The following HTR1F variants were observed in gnomAD, a reference collection of about 807,000 sequenced individuals.
HTR1F encodes 5-hydroxytryptamine receptor 1F.
HTR1F carries 17 observed loss-of-function variants against 24.0 expected under a neutral mutation model. The observed-to-expected ratio is 0.71, with a 90% confidence interval of 0.48 to 1.06. HTR1F has a LOEUF of 1.06. HTR1F is among the 50% of genes least tolerant of loss of function. The pLI, the probability that HTR1F is intolerant of heterozygous loss-of-function variation, is 0.00. For missense variants in HTR1F, 391 were observed against 427.8 expected, an observed-to-expected ratio of 0.91 and a Z score of 0.76; for synonymous variants, 186 against 156.8, an observed-to-expected ratio of 1.19 and a Z score of -1.39.
chr3:87,813,595 G>C (rs1483613484), intron 1 of HTR1F, among the ~76,000 whole-genome samples: 1 of 152,140 alleles, frequency 6.6e-6, no homozygotes, highest in Non-Finnish European at 1.5e-5. Flanking sequence ...TGAGATTTGG[G>C]AAGGGCCAGG....
chr3:87,980,537 G>C (rs138751743), intron 2 of HTR1F, among the ~76,000 whole-genome samples: 113 of 152,296 alleles, frequency 7.4e-4, no homozygotes, highest in Non-Finnish European at 1.3e-3. Context: ...GCCTGGCTAT[G>C]GAACAGGCAG....
intron 2 of HTR1F, among the ~76,000 whole-genome samples, chr3:87,822,474 A>G (rs1222130753): frequency 1.3e-5 from 2 of 152,212 alleles, no homozygotes; most frequent in African/African-American, 4.8e-5. Context: ...ACTAAATCAG[A>G]TAAAAACCTG....
chr3:87,898,470 C>T (rs1706250200), intron 2 of HTR1F, among the ~76,000 whole-genome samples: 1 of 151,892 alleles, frequency 6.6e-6, no homozygotes, highest in South Asian at 2.1e-4. Context: ...TGTCATAAAA[C>T]CAAATCATCA....
intron 2 of HTR1F, among the ~76,000 whole-genome samples, chr3:87,921,685 AT>A (rs1274531912): frequency 1.3e-5 from 2 of 151,782 alleles, no homozygotes; most frequent in Admixed American, 6.6e-5. Flanking sequence ...ATCTAGCTGT[AT>A]TTTTTTATTT....
intron 1 of HTR1F, among the ~76,000 whole-genome samples, chr3:87,807,014 C>A (rs1042319988): frequency 6.6e-6 from 1 of 151,994 alleles, no homozygotes; most frequent in South Asian, 2.1e-4. Context: ...CAGTACCATG[C>A]GATCTTAGTT....
intron 2 of HTR1F, among the ~76,000 whole-genome samples, chr3:87,903,596 A>T (rs1421283523): frequency 4.6e-5 from 7 of 151,216 alleles, no homozygotes; most frequent in Non-Finnish European, 1.0e-4. Context: ...CACCAGTTAG[A>T]ATGGCAATCA....
chr3:87,902,464 C>G (rs1158144547), intron 2 of HTR1F, among the ~76,000 whole-genome samples: 3 of 151,942 alleles, frequency 2.0e-5, no homozygotes, highest in African/African-American at 4.8e-5. Context: ...AATAAAGCAT[C>G]TAGAAGGTAA....
At chr3:87,918,758 A>G (rs1703949342) in intron 2 of HTR1F, among the ~76,000 whole-genome samples, 1 of 152,110 alleles carries the variant, frequency 6.6e-6, no homozygotes, top group Non-Finnish European at 1.5e-5. Context: ...TCCCTTGCTC[A>G]TGGATGAGTA....
At chr3:87,988,333 A>T (rs1576126723) in intron 2 of HTR1F, among the ~76,000 whole-genome samples, 2 of 152,040 alleles carry the variant, frequency 1.3e-5, no homozygotes, top group South Asian at 4.1e-4. Flanking sequence ...CAGAAAGGCA[A>T]CTACTTCTCA....
chr3:87,875,251 G>C (rs1018212958), intron 2 of HTR1F, among the ~76,000 whole-genome samples: 3 of 152,022 alleles, frequency 2.0e-5, no homozygotes, highest in African/African-American at 7.2e-5. Context: ...AGGAGTTTGA[G>C]ACCAGCCTGG....
At chr3:87,804,163 T>A (rs916751273) in intron 1 of HTR1F, among the ~76,000 whole-genome samples, 1 of 152,206 alleles carries the variant, frequency 6.6e-6, no homozygotes, top group African/African-American at 2.4e-5. Context: ...CTAAAAAGTA[T>A]TTTGTTTCAT....
At chr3:87,950,032 A>G (rs572670910) in intron 2 of HTR1F, among the ~76,000 whole-genome samples, 21 of 152,318 alleles carry the variant, frequency 1.4e-4, no homozygotes, top group Admixed American at 7.2e-4. Flanking sequence ...TCAAAGGGGA[A>G]GCAGGCATCT....
chr3:87,930,635 T>C (rs770274908), intron 2 of HTR1F, among the ~76,000 whole-genome samples: 1 of 152,120 alleles, frequency 6.6e-6, no homozygotes, highest in Admixed American at 6.6e-5. Context: ...TGGGGTGAAG[T>C]CTACTTGATT....
intron 2 of HTR1F, among the ~76,000 whole-genome samples, chr3:87,842,609 C>T (rs1704834021): frequency 6.6e-6 from 1 of 151,782 alleles, no homozygotes; most frequent in South Asian, 2.1e-4. Context: ...ATGACAAGTA[C>T]TAAATTGTTA....
intron 1 of HTR1F, among the ~76,000 whole-genome samples, chr3:87,799,459 T>A (rs1425767833): frequency 6.6e-6 from 1 of 152,190 alleles, no homozygotes; most frequent in Non-Finnish European, 1.5e-5. Flanking sequence ...ACAAATAAGA[T>A]GAAATGATAA....
intron 2 of HTR1F, among the ~76,000 whole-genome samples, chr3:87,827,792 T>C (rs187960880): frequency 5.9e-5 from 9 of 152,282 alleles, no homozygotes; most frequent in Admixed American, 2.0e-4. Context: ...GAAAACCTCG[T>C]TGATTGGAAA....
At chr3:87,932,337 C>T (rs1264318199) in intron 2 of HTR1F, among the ~76,000 whole-genome samples, 1 of 152,022 alleles carries the variant, frequency 6.6e-6, no homozygotes, top group Non-Finnish European at 1.5e-5. Flanking sequence ...TCAGGTTTGT[C>T]AAAGATCAGA....
intron 2 of HTR1F, among the ~76,000 whole-genome samples, chr3:87,927,572 C>A (rs1273825579): frequency 1.3e-5 from 2 of 151,962 alleles, no homozygotes; most frequent in Non-Finnish European, 2.9e-5. Context: ...TCTAAATAAT[C>A]ACATTTTATA....
At chr3:87,902,430 T>C (rs929363189) in intron 2 of HTR1F, among the ~76,000 whole-genome samples, 4 of 152,086 alleles carry the variant, frequency 2.6e-5, no homozygotes, top group Non-Finnish European at 4.4e-5. Context: ...AAGTAGATCG[T>C]AATCCTAAAT....
Sources: gnomAD v4.1 joint callset for allele counts (sites outside exome capture counted in the v4.1 genomes callset) on GRCh38, gnomAD v4.1.1 for gene constraint, MANE v1.5 for transcripts, NCBI Gene and HGNC (gene_info 2026-07-23, HGNC 2026-07-21) for gene names.